The following CFAP54 variants were observed in gnomAD, a reference collection of about 807,000 sequenced individuals.
The protein encoded by CFAP54 is cilia and flagella associated protein 54, also known as cilia- and flagella-associated protein 54.
CFAP54 carries 290 observed loss-of-function variants against 370.4 expected under a neutral mutation model. That is an observed-to-expected ratio of 0.78 (90% confidence interval 0.71 to 0.86). The LOEUF is 0.86. Ranked by LOEUF, CFAP54 falls within the 40% of genes least tolerant of loss-of-function variation. The probability of loss-of-function intolerance (pLI) is 0.00; values close to 1 mark genes in which losing one functional copy is unlikely to be tolerated. For synonymous variants in CFAP54, 1,206 were observed against 1,236.5 expected, an observed-to-expected ratio of 0.98 and a Z score of 0.52; for missense variants, 3,399 against 3,528.7, an observed-to-expected ratio of 0.96 and a Z score of 0.93.
At chr12:96,713,571 C>CA (rs1957637912) in intron 48 of CFAP54, among the ~76,000 whole-genome samples, 1 of 151,878 alleles carries the variant, frequency 6.6e-6, no homozygotes, top group Non-Finnish European at 1.5e-5. Context: ...AAAATAAACA[C>CA]AAAAAATACT....
At chr12:96,663,114 C>A (rs1957013601) in intron 38 of CFAP54, among the ~76,000 whole-genome samples, 1 of 152,186 alleles carries the variant, frequency 6.6e-6, no homozygotes, top group Admixed American at 6.5e-5. Context: ...ATAGAAAAGA[C>A]TAGATCAAGT....
At chr12:96,742,345 C>G (rs1958061495) in intron 51 of CFAP54, 94 bp from the exon 52 acceptor site, 2 of 799,116 alleles carry the variant, frequency 2.5e-6, no homozygotes, top group African/African-American at 3.5e-5. Flanking sequence ...TGGAATGATA[C>G]CAGATGCCTT....
intron 32 of CFAP54, among the ~76,000 whole-genome samples, chr12:96,635,851 C>T (rs561454931): frequency 7.0e-4 from 107 of 152,310 alleles, no homozygotes; most frequent in Non-Finnish European, 1.2e-3. Context: ...AAAGTCCAGA[C>T]GGCTTCTGAG....
intron 66 of CFAP54, among the ~76,000 whole-genome samples, chr12:96,840,425 T>C (rs17041258): frequency 0.093 from 14,224 of 152,182 alleles, 1,901 homozygotes; most frequent in African/African-American, 0.3. Flanking sequence ...CAAATTTTAT[T>C]ACATTACTGT....
Position 96,873,787 on chromosome 12 carries a change from A to G in CFAP54, c.*15-1331A>G, listed in dbSNP as rs140632977. On this transcript the variant is annotated intron_variant, in intron 67 of 67. Transcript: ENST00000524981. ...GAATTTCTTATAATTTTCATGTGCCATGAAATATTATTATTTGTATTTTTC... is the reference window on the plus strand; with the variant it reads ...GAATTTCTTATAATTTTCATGTGCCGTGAAATATTATTATTTGTATTTTTC... Among the ~76,000 whole-genome samples, 630 of 152,346 alleles carry G rather than the reference A, an allele frequency of 4.1e-3. 7 individuals carry two copies. Among genetic ancestry groups the G allele is most frequent in the African/African-American group, 0.015 (607 of 41,580 alleles).
At chr12:96,766,864 A>C (rs1400960566) in intron 60 of CFAP54, among the ~76,000 whole-genome samples, 1 of 152,206 alleles carries the variant, frequency 6.6e-6, no homozygotes, top group African/African-American at 2.4e-5. Flanking sequence ...CCTAAAACTC[A>C]GTGGCCTACA....
intron 33 of CFAP54, among the ~76,000 whole-genome samples, chr12:96,647,335 T>C (rs984141499): frequency 2.3e-4 from 34 of 149,894 alleles, no homozygotes; most frequent in Admixed American, 1.3e-3. Flanking sequence ...TAGCCAGGCG[T>C]GGTGGTGGGC....
rs761668828 is a variant in CFAP54, at chr12:96,521,880, T to C, written c.966T>C (p.Ala322=). The C allele has an allele frequency of 1.8e-5, 28 of 1,531,044 alleles. No individual in the cohort carries two copies. In the South Asian group the frequency reaches 3.3e-4, roughly 18 times the overall value. 94.8% of individuals were successfully genotyped at this position (1,531,044 alleles called of 1,614,324 possible). The change falls in exon 7 of 68, where the codon GCT becomes GCC. Residue 322 remains alanine (A), a synonymous_variant. Coordinates refer to ENST00000524981, the MANE Select transcript of CFAP54 (RefSeq NM_001306084.2). ...AGGCATTTGCTCGGCGTGCTTTGGC[T>C]AAAATTGATGAGTTAAGGCAACTGG... is the stretch of plus-strand genomic sequence containing the variant. ...HGEAFARRAL[A]KIDELRQLEL... is the part of the protein sequence containing the mutation.
intron 26 of CFAP54, among the ~76,000 whole-genome samples, chr12:96,608,411 A>T (rs1956323263): frequency 1.3e-5 from 2 of 150,678 alleles, no homozygotes; most frequent in Non-Finnish European, 2.9e-5. Flanking sequence ...TTTAAAGGTG[A>T]CTCAGAGAAA....
At chr12:96,609,225 G>A (rs1242275979) in intron 26 of CFAP54, among the ~76,000 whole-genome samples, 1 of 152,198 alleles carries the variant, frequency 6.6e-6, no homozygotes, top group Non-Finnish European at 1.5e-5. Flanking sequence ...CTCTGCTCCT[G>A]AATGGCATTT....
intron 67 of CFAP54, among the ~76,000 whole-genome samples, chr12:96,871,141 T>C (rs1960152012): frequency 6.6e-6 from 1 of 152,174 alleles, no homozygotes; most frequent in Non-Finnish European, 1.5e-5. Flanking sequence ...GTTGGCTGAC[T>C]ACCAACAACA....
chr12:96,743,496 G>A lies in CFAP54; in HGVS notation c.7314G>A (p.Thr2438=), dbSNP rs76379187. The part of the protein sequence containing the change: ...GDTELQAEFL[T]QAVILGLQEK... Reference sequence around the variant, plus strand: ...CGGAACTGCAGGCTGAATTCTTGACGCAAGCTGTAATTCTTGGCCTACAAG... The same window carrying A: ...CGGAACTGCAGGCTGAATTCTTGACACAAGCTGTAATTCTTGGCCTACAAG... The change falls in exon 53 of 68, where the codon ACG becomes ACA. Residue 2438 remains threonine, a synonymous_variant. Transcript: ENST00000524981. The A allele has an allele frequency of 9.9e-6, 16 of 1,614,058 alleles. No homozygotes were observed. The highest frequency in any genetic ancestry group is 5.5e-5 in the South Asian group (5 of 91,080).
intron 5 of CFAP54, 49 bp from the exon 6 acceptor site, chr12:96,518,879 T>C (rs1362077100): frequency 1.4e-6 from 2 of 1,473,570 alleles, no homozygotes; most frequent in East Asian, 2.5e-5. Flanking sequence ...ACAATTATCA[T>C]TATTAACTTC....
At chr12:96,525,988 G>C (rs943245294) in intron 8 of CFAP54, among the ~76,000 whole-genome samples, 3 of 152,180 alleles carry the variant, frequency 2.0e-5, no homozygotes, top group Admixed American at 6.5e-5. Context: ...CCAGCCCCTT[G>C]TTGAAATTTT....
chr12:96,538,720 T>C, intron 13 of CFAP54: 3 of 562,132 alleles, frequency 5.3e-6, no homozygotes, highest in Non-Finnish European at 6.0e-6. Flanking sequence ...CCTGTTCTAA[T>C]TTTGTTTGTT....
At chr12:96,603,023 C>T (rs563578594) in intron 26 of CFAP54, among the ~76,000 whole-genome samples, 8 of 152,242 alleles carry the variant, frequency 5.3e-5, no homozygotes, top group East Asian at 1.9e-4. Context: ...TTATTTTGCC[C>T]GTTAATTGAT....
intron 66 of CFAP54, among the ~76,000 whole-genome samples, chr12:96,831,660 G>T (rs185889296): frequency 1.3e-5 from 2 of 152,274 alleles, no homozygotes; most frequent in Admixed American, 1.3e-4. Flanking sequence ...AGTAAGACCT[G>T]AAATATTATA....
At position 96,489,615 on chromosome 12, in the gene CFAP54, G is replaced by C. The variant is rs768801983; in HGVS notation, c.6G>C (p.Ala2=). Residue 2 remains alanine (A), a synonymous_variant, in exon 1 of 68, where the codon GCG becomes GCC. Transcript: ENST00000524981. Reference sequence around the variant, plus strand: ...GCGGGCCGGGGCGCGTCAATATGGCGGCGCAGGGCTCCCCCTCGAGCTCTC... The same window carrying C: ...GCGGGCCGGGGCGCGTCAATATGGCCGCGCAGGGCTCCCCCTCGAGCTCTC... M[A]AQGSPSSSPS... is the part of the protein sequence containing the mutation. The C allele has an allele frequency of 4.6e-6, 7 of 1,515,954 alleles. No individual in the cohort carries two copies. The South Asian group carries it at 8.4e-5, about 18-fold the overall frequency. The allele number at this position is 1,515,954 out of a possible 1,614,324, so 93.9% of individuals were successfully genotyped here.
At chr12:96,788,385 T>C (rs975056494) in intron 62 of CFAP54, among the ~76,000 whole-genome samples, 1 of 152,232 alleles carries the variant, frequency 6.6e-6, no homozygotes, top group Admixed American at 6.5e-5. Context: ...TTCCAATACA[T>C]ATCTGTGAAA....
Sources: allele counts gnomAD v4.1 joint callset (sites outside exome capture counted in the v4.1 genomes callset), GRCh38; gene constraint gnomAD v4.1.1; transcripts MANE v1.5; gene names NCBI Gene and HGNC (gene_info 2026-07-23, HGNC 2026-07-21).